Variants in SPAG11B observed in about 807,000 individuals in gnomAD.
The protein encoded by SPAG11B is sperm-associated antigen 11B.
SPAG11B carries 5 observed loss-of-function variants against 8.9 expected under a neutral mutation model. The observed-to-expected ratio is 0.56, with a 90% CI of 0.29 to 1.19. SPAG11B has a LOEUF of 1.19. SPAG11B is among the 50% of genes most tolerant of loss of function. The pLI is 0.08. For missense variants in SPAG11B, 38 were observed against 146.4 expected (o/e 0.26, Z 3.82); for synonymous variants, 12 against 53.0 (o/e 0.23, Z 3.36).
downstream of SPAG11B, among the ~76,000 whole-genome samples, chr8:7,448,868 A>G (rs1346718143): frequency 1.4e-5 from 2 of 143,462 alleles, no homozygotes; most frequent in Non-Finnish European, 1.5e-5. Flanking sequence ...GTGCTGGGCA[A>G]CGCCATAGGT....
intron 2 of SPAG11B, among the ~76,000 whole-genome samples, chr8:7,453,888 A>G (rs1219440374): frequency 6.7e-6 from 1 of 149,598 alleles, no homozygotes; most frequent in East Asian, 1.9e-4. Context: ...TGGGCACTCC[A>G]AGCTGCTTTT....
intron 2 of SPAG11B, among the ~76,000 whole-genome samples, chr8:7,459,502 A>T (rs1212586358): frequency 6.7e-6 from 1 of 148,530 alleles, no homozygotes; most frequent in Non-Finnish European, 1.5e-5. Context: ...GAAAATATTC[A>T]TGTGAAAACA....
At chr8:7,453,527 G>A (rs1475640357) in intron 2 of SPAG11B, among the ~76,000 whole-genome samples, 3 of 147,882 alleles carry the variant, frequency 2.0e-5, no homozygotes, top group African/African-American at 5.2e-5. Context: ...TTCTGGACTT[G>A]CCTATATTAC....
At position 7,458,941 on chromosome 8, in the gene SPAG11B, G is replaced by A. The variant is rs559786693; in HGVS notation, c.214+3766C>T. 1.4e-4 allele frequency among the ~76,000 whole-genome samples: 13 copies of A among 91,594 alleles called. 2 individuals are homozygous for A. In the South Asian group the frequency reaches 5.2e-3, roughly 36 times the overall value. The allele number at this position is 91,594 out of a possible 152,430, so 60.1% of individuals were successfully genotyped here. A position where few individuals can be genotyped will look rare whatever the true frequency, so the allele number is the denominator to read the frequency against. ...TGGCCGGGCGCGGTGGCTCACGCCT[G>A]TAATTCCAGCACTTCGGGAGGCCGA... On this transcript the variant is annotated intron_variant, in intron 2 of 2. Transcript: ENST00000398462.
intron 2 of SPAG11B, among the ~76,000 whole-genome samples, chr8:7,451,506 A>G (rs1228695742): frequency 4.1e-5 from 4 of 98,556 alleles, no homozygotes; most frequent in African/African-American, 1.5e-4. Context: ...AGCAGCAACA[A>G]CAGCAGCAAC....
intron 2 of SPAG11B, chr8:7,451,217 G>T: frequency 6.5e-7 from 1 of 1,531,170 alleles, no homozygotes; most frequent in Non-Finnish European, 8.9e-7. Context: ...GAAACAAAGG[G>T]AGTTTTGGAA....
chr8:7,448,302 CAAAAAAAAAAAAAAAAA>C (rs71221492), downstream of SPAG11B, among the ~76,000 whole-genome samples: 1 of 48,852 alleles, frequency 2.0e-5, no homozygotes, highest in Admixed American at 2.1e-4. Context: ...AACAAGTGGT[CAAAAAAAAAAAAAAAAA>C]AAAAAAAAAA....
downstream of SPAG11B, among the ~76,000 whole-genome samples, chr8:7,448,891 C>T (rs1809964897): frequency 6.9e-6 from 1 of 144,358 alleles, no homozygotes; most frequent in African/African-American, 2.7e-5. Context: ...TAGTTTTTTA[C>T]CATGCCTTAC....
At chr8:7,450,154 C>T (rs2128871520), downstream of SPAG11B, among the ~76,000 whole-genome samples, 1 of 127,934 alleles carries the variant, frequency 7.8e-6, no homozygotes, top group Non-Finnish European at 1.7e-5. Context: ...ATTTTTCTTT[C>T]ATTCCTAAAA....
In SPAG11B at chr8:7,450,840, A is replaced by T. The variant is rs747699942; in HGVS notation, c.275T>A (p.Leu92His). The change falls in exon 3 of 3, where the codon CTT (leucine) becomes CAT (histidine). Residue 92 changes from leucine (L) to histidine (H), a missense_variant. By Grantham distance (99) the Leu-to-His change is moderately conservative. Around this residue, in one of 3 missense-constraint regions of SPAG11B, gnomAD observed 29 missense variants for 28.0 expected, o/e 1.03. Transcript: ENST00000398462. ...TTTCTCACCAGAATGGCAGAAAAAA[A>T]GTCTGCAGATCCCTTGCTGCATATG... ...ICHMQQGICRLFFCHSGEKKR... is the reference protein window; with the variant it reads ...ICHMQQGICRHFFCHSGEKKR... 34 of 1,603,356 alleles carry T rather than the reference A, an allele frequency of 2.1e-5. No individual in the cohort carries two copies. The highest frequency in any genetic ancestry group is 6.7e-5 in the East Asian group (3 of 44,744).
downstream of SPAG11B, chr8:7,447,888 C>G (rs2740047): frequency 8.3e-5 from 74 of 887,584 alleles, 6 homozygotes; most frequent in African/African-American, 9.0e-4. Context: ...GCCACAGACC[C>G]TGGGTGAGGC....
chr8:7,452,881 A>G (rs1252609061), intron 2 of SPAG11B, among the ~76,000 whole-genome samples: 12 of 136,586 alleles, frequency 8.8e-5, no homozygotes, highest in African/African-American at 3.5e-4. Context: ...ATGTATTTCC[A>G]CACCACAACA....
intron 2 of SPAG11B, among the ~76,000 whole-genome samples, chr8:7,459,133 G>A (rs1271618476): frequency 1.5e-4 from 12 of 77,420 alleles, no homozygotes; most frequent in Non-Finnish European, 2.7e-4. Flanking sequence ...TGGGAGAATC[G>A]CTTGAACCCG....
chr8:7,459,698 A>AG (rs1810666854), intron 2 of SPAG11B, among the ~76,000 whole-genome samples: 2 of 129,720 alleles, frequency 1.5e-5, no homozygotes, highest in Non-Finnish European at 3.3e-5. Context: ...CACCCAGCTC[A>AG]GGGTTGATAG....
At chr8:7,458,626 T>A (rs1585512854) in intron 2 of SPAG11B, among the ~76,000 whole-genome samples, 1 of 101,290 alleles carries the variant, frequency 9.9e-6, no homozygotes, top group South Asian at 3.3e-4. Flanking sequence ...TAAGACTATT[T>A]AAAAATAATT....
chr8:7,452,793 C>T (rs1306247586), intron 2 of SPAG11B, among the ~76,000 whole-genome samples: 1 of 90,002 alleles, frequency 1.1e-5, no homozygotes, highest in Non-Finnish European at 2.1e-5. Context: ...GACATGTGCA[C>T]GAACGTTCAT....
At chr8:7,448,786 C>CCCCTTCCCGTCCCTTCCCTT (rs1809959934), downstream of SPAG11B, among the ~76,000 whole-genome samples, 1 of 127,096 alleles carries the variant, frequency 7.9e-6, no homozygotes, top group Non-Finnish European at 1.7e-5. Context: ...CCCCTCTCCT[C>CCCCTTCCCGTCCCTTCCCTT]CCCTTCCCTT....
chr8:7,447,805 C>T (rs1000909932), downstream of SPAG11B: 5 of 373,180 alleles, frequency 1.3e-5, 2 homozygotes, highest in African/African-American at 1.7e-4. Flanking sequence ...GGATCATACT[C>T]CGGTCTCTCA....
At chr8:7,451,884 T>C (rs1810207157) in intron 2 of SPAG11B, among the ~76,000 whole-genome samples, 1 of 149,116 alleles carries the variant, frequency 6.7e-6, no homozygotes, top group Non-Finnish European at 1.5e-5. Context: ...CCATGGTAAA[T>C]TAACACTTTC....
Sources: gnomAD v4.1 joint callset for allele counts (sites outside exome capture counted in the v4.1 genomes callset) on GRCh38, gnomAD v4.1.1 for gene constraint, gnomAD v4.1.1 regional missense constraint, MANE v1.5 for transcripts, NCBI Gene and HGNC (gene_info 2026-07-23, HGNC 2026-07-21) for gene names.